MTX2: variants seen among roughly 807,000 people sequenced by gnomAD.
MTX2 encodes the protein metaxin 2.
MTX2 carries 35 observed loss-of-function variants against 42.3 expected under a neutral mutation model. The observed-to-expected ratio is 0.83, with a 90% CI of 0.63 to 1.10. The LOEUF (loss-of-function observed/expected upper bound fraction) is 1.10. Among genes scored for constraint, MTX2 ranks in the 50% least tolerant of loss-of-function variants. The pLI, the probability that MTX2 is intolerant of heterozygous loss-of-function variation, is 0.00. For missense variants in MTX2, 307 were observed against 304.1 expected, an observed-to-expected ratio of 1.01 and a Z score of -0.07; for synonymous variants, 119 against 100.9, an observed-to-expected ratio of 1.18 and a Z score of -1.08.
intron 3 of MTX2, among the ~76,000 whole-genome samples, chr2:176,311,286 G>A (rs553261628): frequency 6.6e-6 from 1 of 152,250 alleles, no homozygotes; most frequent in South Asian, 2.1e-4. Context: ...TCGTCCCAGA[G>A]GAGCACCGAA....
At chr2:176,273,098 A>G (rs1692862173) in intron 1 of MTX2, among the ~76,000 whole-genome samples, 1 of 152,232 alleles carries the variant, frequency 6.6e-6, no homozygotes, top group South Asian at 2.1e-4. Flanking sequence ...AGGGAGGGCA[A>G]GAGCCAGGGA....
intron 3 of MTX2, among the ~76,000 whole-genome samples, chr2:176,302,445 T>C (rs1043111709): frequency 1.3e-5 from 2 of 152,126 alleles, no homozygotes; most frequent in African/African-American, 4.8e-5. Flanking sequence ...TTGTTTTGTT[T>C]TGTTTTTTTG....
intron 3 of MTX2, among the ~76,000 whole-genome samples, chr2:176,314,277 A>C (rs1364854464): frequency 6.6e-6 from 1 of 152,078 alleles, no homozygotes; most frequent in Non-Finnish European, 1.5e-5. Flanking sequence ...CTCTACTAAA[A>C]ATACAAAAAA....
intron 3 of MTX2, among the ~76,000 whole-genome samples, chr2:176,314,432 G>T (rs1221234982): frequency 6.7e-6 from 1 of 148,732 alleles, no homozygotes; most frequent in Non-Finnish European, 1.5e-5. Context: ...GCAAGACTCT[G>T]TCTCAAAAAA....
intron 3 of MTX2, among the ~76,000 whole-genome samples, chr2:176,319,147 CATT>C (rs1038851644): frequency 6.6e-6 from 1 of 152,130 alleles, no homozygotes; most frequent in African/African-American, 2.4e-5. Flanking sequence ...GTTCATTATT[CATT>C]ATTATAATTT....
intron 9 of MTX2, among the ~76,000 whole-genome samples, chr2:176,331,598 A>C (rs1418330072): frequency 6.6e-6 from 1 of 151,192 alleles, no homozygotes; most frequent in Non-Finnish European, 1.5e-5. Flanking sequence ...CACAAGTAAT[A>C]TATACATATA....
chr2:176,336,448 A>G (rs553173472), intron 9 of MTX2, among the ~76,000 whole-genome samples: 73 of 152,230 alleles, frequency 4.8e-4, no homozygotes, highest in Non-Finnish European at 9.1e-4. Context: ...TTTTGGTCCT[A>G]TCACCACAGC....
intron 3 of MTX2, among the ~76,000 whole-genome samples, chr2:176,316,389 A>G (rs1217526437): frequency 6.6e-6 from 1 of 151,800 alleles, no homozygotes; most frequent in Admixed American, 6.6e-5. Flanking sequence ...TATTTTATTT[A>G]TTTATTTATT....
At chr2:176,320,224 G>T (rs1345766207) in intron 3 of MTX2, among the ~76,000 whole-genome samples, 3 of 151,886 alleles carry the variant, frequency 2.0e-5, no homozygotes, top group Admixed American at 2.0e-4. Context: ...CTCCAGCCTG[G>T]GCGACAGAGT....
At position 176,269,476 on chromosome 2, in the gene MTX2, C is replaced by A; in HGVS notation, c.-154C>A. 1.2e-6 allele frequency: 1 copy of A among 815,764 alleles called. No individual in the cohort carries two copies. Among genetic ancestry groups the A allele is most frequent in the Non-Finnish European group, 1.8e-6 (1 of 553,648 alleles). 50.5% of individuals were successfully genotyped at this position (815,764 alleles called of 1,614,324 possible). On this transcript the variant is annotated 5_prime_UTR_variant, in exon 1 of 10. Transcript: ENST00000249442. ...CAGGCCTGGCGGTAACCTTGGGGGCCTCACTGCAGCCGCCGCTGCTGTTGG... is the reference window on the plus strand; with the variant it reads ...CAGGCCTGGCGGTAACCTTGGGGGCATCACTGCAGCCGCCGCTGCTGTTGG...
At chr2:176,312,978 T>C (rs1684352734) in intron 3 of MTX2, among the ~76,000 whole-genome samples, 1 of 151,920 alleles carries the variant, frequency 6.6e-6, no homozygotes, top group Non-Finnish European at 1.5e-5. Flanking sequence ...GTATTTTGAT[T>C]TTATAGAAGT....
At chr2:176,326,726 A>G (rs1001888904) in intron 4 of MTX2, 99 bp from the exon 5 acceptor site, 55 of 751,992 alleles carry the variant, frequency 7.3e-5, no homozygotes, top group Non-Finnish European at 1.1e-4. Context: ...TGAAATCCCT[A>G]TTTATAAATA....
intron 9 of MTX2, among the ~76,000 whole-genome samples, chr2:176,334,891 T>G (rs910746121): frequency 1.3e-5 from 2 of 151,920 alleles, no homozygotes; most frequent in Admixed American, 6.6e-5. Context: ...GTATGAGAAG[T>G]GTGTCACCTT....
chr2:176,274,789 C>G (rs1417207499), intron 1 of MTX2, among the ~76,000 whole-genome samples: 1 of 152,032 alleles, frequency 6.6e-6, no homozygotes. Context: ...GGATACTCTC[C>G]CTTTTGATTA....
intron 1 of MTX2, among the ~76,000 whole-genome samples, chr2:176,295,343 TA>T (rs1228909502): frequency 1.3e-5 from 2 of 152,198 alleles, no homozygotes; most frequent in African/African-American, 2.4e-5. Context: ...CAATTTATCC[TA>T]AAAGGTTATT....
intron 3 of MTX2, among the ~76,000 whole-genome samples, chr2:176,310,496 T>C (rs566799776): frequency 1.8e-4 from 28 of 152,208 alleles, no homozygotes; most frequent in Non-Finnish European, 3.1e-4. Flanking sequence ...AAGAGTGTTT[T>C]CCAGGTTGGT....
rs765556441 is a variant in MTX2 at position 176,323,475 on chromosome 2, T to C, written c.208+11T>C. The stretch of plus-strand genomic sequence containing the variant: ...ATATGTCTCCATCTGGTAAGTGTGT[T>C]TTTTTTTCTTCTCTGTTAATATTAT... On this transcript the variant is annotated intron_variant, in intron 4 of 9. Coordinates refer to ENST00000249442, the MANE Select transcript of MTX2 (RefSeq NM_006554.5). 1.1e-5 allele frequency: 17 copies of C among 1,603,024 alleles called. No homozygotes were observed. Among genetic ancestry groups the C allele is most frequent in the Non-Finnish European group, 1.4e-5 (16 of 1,171,744 alleles).
At chr2:176,319,259 G>C (rs557218075) in intron 3 of MTX2, among the ~76,000 whole-genome samples, 2 of 152,110 alleles carry the variant, frequency 1.3e-5, no homozygotes, top group African/African-American at 4.8e-5. Context: ...TGCCATGCCA[G>C]TTATTTGGAG....
chr2:176,333,861 G>A (rs569268600), intron 9 of MTX2, among the ~76,000 whole-genome samples: 9 of 151,642 alleles, frequency 5.9e-5, no homozygotes, highest in East Asian at 3.9e-4. Flanking sequence ...TTAGCAATAG[G>A]GTGTACCATA....
Sources: allele counts gnomAD v4.1 joint callset (sites outside exome capture counted in the v4.1 genomes callset), GRCh38; gene constraint gnomAD v4.1.1; transcripts MANE v1.5; gene names NCBI Gene and HGNC (gene_info 2026-07-23, HGNC 2026-07-21).